The following EBF3 variants were observed in gnomAD, a reference collection of about 807,000 sequenced individuals.
The protein encoded by EBF3 is EBF transcription factor 3.
In EBF3, 18 loss-of-function variants were observed where a neutral mutation model predicts 77.1. That is an observed-to-expected ratio of 0.23 (90% CI 0.16 to 0.35). The LOEUF (loss-of-function observed/expected upper bound fraction) is 0.35, where lower values mean the gene tolerates loss of function less well. Ranked by LOEUF, EBF3 falls within the 10% of genes least tolerant of loss-of-function variation. The pLI, the probability that EBF3 is intolerant of heterozygous loss-of-function variation, is 1.00. For missense variants in EBF3, 558 were observed against 860.0 expected (o/e 0.65, Z 4.39); for synonymous variants, 350 against 343.5 (o/e 1.02, Z -0.21).
At chr10:129,950,004 G>GC (rs1858538784) in intron 6 of EBF3, among the ~76,000 whole-genome samples, 2 of 148,726 alleles carry the variant, frequency 1.3e-5, no homozygotes, top group Admixed American at 6.7e-5. Flanking sequence ...GAGGGTGGAG[G>GC]GTGGAGGGAG....
At chr10:129,876,885 A>ACGCCC (rs1852810848) in intron 7 of EBF3, among the ~76,000 whole-genome samples, 3 of 42,368 alleles carry the variant, frequency 7.1e-5, no homozygotes, top group Non-Finnish European at 1.3e-4. Flanking sequence ...TCATCCCTGA[A>ACGCCC]CCCCCCCCCC....
At chr10:129,839,013 T>C in intron 16 of EBF3, 70 bp downstream of exon 16, 2 of 1,282,780 alleles carry the variant, frequency 1.6e-6, no homozygotes, top group Non-Finnish European at 2.1e-6. Flanking sequence ...TCGGCGGCAC[T>C]TCGGGGGCCT....
At chr10:129,961,867 TAAAC>T (rs1253736765) in intron 4 of EBF3, among the ~76,000 whole-genome samples, 3 of 152,074 alleles carry the variant, frequency 2.0e-5, no homozygotes, top group East Asian at 1.9e-4. Flanking sequence ...CATTTAAAAA[TAAAC>T]AAGAGGGGGG....
At chr10:129,941,674 C>T (rs779546161) in intron 6 of EBF3, among the ~76,000 whole-genome samples, 9 of 152,242 alleles carry the variant, frequency 5.9e-5, no homozygotes, top group Non-Finnish European at 1.2e-4. Flanking sequence ...GTGAGCAGCG[C>T]TCCATCCCCA....
intron 10 of EBF3, among the ~76,000 whole-genome samples, chr10:129,856,996 C>T (rs1236979215): frequency 2.6e-5 from 4 of 152,148 alleles, no homozygotes; most frequent in East Asian, 1.9e-4. Context: ...CACAGGGCTC[C>T]GCACAGGTGT....
At chr10:129,843,742 A>G (rs1327319301) in intron 11 of EBF3, among the ~76,000 whole-genome samples, 1 of 152,232 alleles carries the variant, frequency 6.6e-6, no homozygotes, top group Non-Finnish European at 1.5e-5. Flanking sequence ...TTTGAACAAT[A>G]AAGTGAATTA....
chr10:129,962,750 A>C (rs1358075360), intron 3 of EBF3, among the ~76,000 whole-genome samples, 192 bp downstream of exon 3: 1 of 152,160 alleles, frequency 6.6e-6, no homozygotes, highest in African/African-American at 2.4e-5. Context: ...TTTCTACTTC[A>C]AGCCCCACCG....
At chr10:129,886,002 T>C (rs1327079351) in intron 6 of EBF3, among the ~76,000 whole-genome samples, 1 of 151,802 alleles carries the variant, frequency 6.6e-6, no homozygotes, top group Non-Finnish European at 1.5e-5. Flanking sequence ...TCAAAATAAA[T>C]GTGGGTGAGG....
intron 6 of EBF3, among the ~76,000 whole-genome samples, chr10:129,934,067 G>GT (rs1016953981): frequency 9.9e-5 from 15 of 152,170 alleles, no homozygotes; most frequent in African/African-American, 3.6e-4. Flanking sequence ...GAGAAGCAAT[G>GT]TCCCTGCTTC....
intron 6 of EBF3, among the ~76,000 whole-genome samples, chr10:129,917,363 CGTCTCAA>C (rs2134330931): frequency 6.6e-6 from 1 of 151,942 alleles, no homozygotes; most frequent in South Asian, 2.1e-4. Flanking sequence ...GGCGAGACTC[CGTCTCAA>C]GGAAAAAAAA....
intron 6 of EBF3, among the ~76,000 whole-genome samples, chr10:129,933,986 G>T (rs938350885): frequency 6.6e-6 from 1 of 152,092 alleles, no homozygotes; most frequent in Non-Finnish European, 1.5e-5. Context: ...CTGCTCCTGC[G>T]CCCTGTCCAG....
At chr10:129,866,146 G>T (rs886131386) in intron 10 of EBF3, among the ~76,000 whole-genome samples, 2 of 152,172 alleles carry the variant, frequency 1.3e-5, no homozygotes, top group Admixed American at 6.5e-5. Context: ...TTTTGAGATA[G>T]GGTCTTGCTT....
Position 129,897,744 on chromosome 10 carries a change from C to T in EBF3, c.555-19895G>A, listed in dbSNP as rs141439680. 3.7e-3 allele frequency among the ~76,000 whole-genome samples: 560 copies of T among 152,272 alleles called. 6 individuals carry two copies. The highest frequency in any genetic ancestry group is 0.013 in the African/African-American group (526 of 41,556). ...GGAAAAACAGCCCAAATGTCAAAGC[C>T]TGAATATTTTCCCCAGTTTCTTGAA... On this transcript the variant is annotated intron_variant, in intron 6 of 16. Transcript: ENST00000440978. The surrounding 1 kb of genome is among the most constrained non-coding windows in gnomAD (Gnocchi z 4.6).
intron 10 of EBF3, among the ~76,000 whole-genome samples, chr10:129,865,758 C>T (rs377272440): frequency 5.2e-4 from 79 of 152,346 alleles, no homozygotes; most frequent in African/African-American, 1.4e-3. Context: ...GGCTGAAGGA[C>T]GTCTATTGCC....
At chr10:129,954,420 C>CT (rs111472285) in intron 6 of EBF3, among the ~76,000 whole-genome samples, 8,834 of 150,106 alleles carry the variant, frequency 0.059, 794 homozygotes, top group African/African-American at 0.19. Context: ...CTTCCCCCCC[C>CT]CCTTTTTTTT....
intron 6 of EBF3, among the ~76,000 whole-genome samples, chr10:129,902,394 T>C (rs868477994): frequency 2.3e-4 from 35 of 151,802 alleles, no homozygotes; most frequent in African/African-American, 8.5e-4. Context: ...TGACCTGGGG[T>C]GCTGGGTGCA....
intron 6 of EBF3, among the ~76,000 whole-genome samples, chr10:129,889,075 A>G (rs1055733307): frequency 6.6e-6 from 1 of 152,218 alleles, no homozygotes; most frequent in Admixed American, 6.5e-5. Flanking sequence ...GGAAGGAACC[A>G]GCAGCTGTCC....
intron 10 of EBF3, among the ~76,000 whole-genome samples, chr10:129,850,562 G>A (rs547694635): frequency 9.8e-5 from 15 of 152,310 alleles, no homozygotes; most frequent in South Asian, 8.3e-4. Context: ...GGCTGGATGC[G>A]GGCCGAGGCA....
At chr10:129,907,688 AT>A (rs1169818446) in intron 6 of EBF3, among the ~76,000 whole-genome samples, 2 of 152,384 alleles carry the variant, frequency 1.3e-5, no homozygotes, top group Admixed American at 6.5e-5. Context: ...GTTTCAGTCA[AT>A]CATAATAAAA....
Sources: gnomAD v4.1 joint callset for allele counts (sites outside exome capture counted in the v4.1 genomes callset) on GRCh38, gnomAD v4.1.1 for gene constraint, Gnocchi (gnomAD v3.1) non-coding constraint, MANE v1.5 for transcripts, NCBI Gene and HGNC (gene_info 2026-07-23, HGNC 2026-07-21) for gene names.